Variants in HELZ observed in about 807,000 individuals in gnomAD.
The protein encoded by HELZ is helicase with zinc finger, also known as ATP-dependent RNA helicase with zinc finger domain.
Under a neutral mutation model 218.2 loss-of-function variants are expected in HELZ, and 23 were observed. The ratio of observed to expected loss-of-function variants is 0.11; its 90% CI spans 0.08 to 0.15. HELZ has a LOEUF of 0.15. Among genes scored for constraint, HELZ ranks in the 10% least tolerant of loss-of-function variants. HELZ has a pLI of 1.00. For synonymous variants in HELZ, 814 were observed against 829.4 expected (o/e 0.98, Z 0.32); for missense variants, 1,813 against 2,353.7 (o/e 0.77, Z 4.75).
rs2036029160 is a variant in HELZ, at chr17:67,076,800, G to T, written c.*1452C>A. The T allele has an allele frequency of 6.6e-6, 1 of 152,154 alleles. No homozygotes were observed. The highest frequency in any genetic ancestry group is 2.4e-5 in the African/African-American group (1 of 41,418). 9.4% of individuals were successfully genotyped at this position (152,154 alleles called of 1,614,324 possible). On this transcript the variant is annotated 3_prime_UTR_variant, in exon 33 of 33. Coordinates refer to ENST00000358691, the MANE Select transcript of HELZ (RefSeq NM_014877.4). ...AGTGGTCTTCCAAAAACCTGTTTTT[G>T]AATGGATCATCAGGAAGATTGGGTT...
chr17:67,127,342 T>C (rs7223693), intron 24 of HELZ, among the ~76,000 whole-genome samples: 1 of 151,994 alleles, frequency 6.6e-6, no homozygotes, highest in Non-Finnish European at 1.5e-5. Context: ...ATTAATAGTA[T>C]AAGCTTGAGA....
chr17:67,103,848 T>C (rs960941046), intron 31 of HELZ, among the ~76,000 whole-genome samples: 4 of 152,116 alleles, frequency 2.6e-5, no homozygotes, highest in Admixed American at 6.5e-5. Flanking sequence ...CAAAACTTAC[T>C]ACAATACTAC....
At chr17:67,242,131 T>C (rs2041328565) in intron 2 of HELZ, among the ~76,000 whole-genome samples, 1 of 152,168 alleles carries the variant, frequency 6.6e-6, no homozygotes, top group Admixed American at 6.6e-5. Flanking sequence ...AGAAAAAAGA[T>C]AAGGCCAGGC....
chr17:67,187,506 T>C (rs1467889049), intron 12 of HELZ, among the ~76,000 whole-genome samples: 2 of 152,226 alleles, frequency 1.3e-5, no homozygotes, highest in African/African-American at 4.8e-5. Flanking sequence ...AATGGGACAT[T>C]ATGGTACATA....
In HELZ at chr17:67,156,805, G is replaced by GA. The variant is rs888184519; in HGVS notation, c.2177+3455dup. ...CCAATTAATATTTCATTGTAAAATTGAAAAAAAAAAAGTGGTTTTTCAAAT... is the reference window on the plus strand; with the variant it reads ...CCAATTAATATTTCATTGTAAAATTGAAAAAAAAAAAAGTGGTTTTTCAAAT... On this transcript the variant is annotated intron_variant, in intron 17 of 32. Transcript: ENST00000358691. Among the ~76,000 whole-genome samples the GA allele has an allele frequency of 1.7e-3, 245 of 142,848 alleles. 2 individuals are homozygous for GA. Among genetic ancestry groups the GA allele is most frequent in the Admixed American group, 2.5e-3 (36 of 14,360 alleles). The allele number at this position is 142,848 out of a possible 152,430, so 93.7% of individuals were successfully genotyped here.
intron 3 of HELZ, among the ~76,000 whole-genome samples, chr17:67,235,739 A>G (rs1030628119): frequency 2.6e-4 from 36 of 139,244 alleles, no homozygotes; most frequent in African/African-American, 9.5e-4. Context: ...TACCATTTTG[A>G]CCACACACTC....
chr17:67,082,854 T>C (rs973201854), intron 32 of HELZ, among the ~76,000 whole-genome samples: 1 of 149,996 alleles, frequency 6.7e-6, no homozygotes, highest in Non-Finnish European at 1.5e-5. Context: ...ACTGTTTTTT[T>C]TTTTTGTTTT....
intron 26 of HELZ, among the ~76,000 whole-genome samples, chr17:67,122,312 A>G (rs1188180829): frequency 3.3e-5 from 5 of 152,098 alleles, no homozygotes; most frequent in Admixed American, 2.0e-4. Flanking sequence ...TTGGGAGGCC[A>G]AGACAGGCGG....
At chr17:67,234,059 A>C (rs185118461) in intron 3 of HELZ, among the ~76,000 whole-genome samples, 1 of 148,566 alleles carries the variant, frequency 6.7e-6, no homozygotes, top group Non-Finnish European at 1.5e-5. Context: ...AAAAAAAAAA[A>C]AGAGAGAGAG....
At chr17:67,231,594 A>G (rs574334400) in intron 3 of HELZ, among the ~76,000 whole-genome samples, 1,554 of 147,452 alleles carry the variant, frequency 0.011, 17 homozygotes, top group South Asian at 0.018. Flanking sequence ...CTCTGTCGGA[A>G]AAAAAAAAAA....
At chr17:67,096,388 C>T (rs2036749628) in intron 31 of HELZ, among the ~76,000 whole-genome samples, 2 of 152,194 alleles carry the variant, frequency 1.3e-5, no homozygotes, top group Admixed American at 1.3e-4. Context: ...TTCCTCGAAG[C>T]TTTGAAGCCA....
Position 67,073,244 on chromosome 17 carries a change from G to A in HELZ, c.*5008C>T, listed in dbSNP as rs559648891. The stretch of plus-strand genomic sequence containing the variant: ...ATATCGATTTCCCCTCCTCTACATA[G>A]TTCTAAGGCAGGCAATCACATGCTA... On this transcript the variant is annotated 3_prime_UTR_variant, in exon 33 of 33. Coordinates refer to ENST00000358691, the MANE Select transcript of HELZ (RefSeq NM_014877.4). 8 of 152,444 alleles carry A rather than the reference G, an allele frequency of 5.2e-5. No homozygotes were observed. The highest frequency in any genetic ancestry group is 1.0e-4 in the Non-Finnish European group (7 of 68,036). 9.4% of individuals were successfully genotyped at this position (152,444 alleles called of 1,614,324 possible).
intron 9 of HELZ, among the ~76,000 whole-genome samples, chr17:67,190,558 T>A (rs1164648349): frequency 6.6e-6 from 1 of 152,198 alleles, no homozygotes; most frequent in Non-Finnish European, 1.5e-5. Flanking sequence ...CAGCTCCCCA[T>A]ATTATTCACT....
chr17:67,199,305 T>A (rs907775920), intron 7 of HELZ, among the ~76,000 whole-genome samples: 1 of 149,608 alleles, frequency 6.7e-6, no homozygotes, highest in Non-Finnish European at 1.5e-5. Context: ...TTCCGCCTCC[T>A]GGGTTCAAGC....
intron 24 of HELZ, among the ~76,000 whole-genome samples, chr17:67,125,262 C>T (rs1237513645): frequency 5.2e-5 from 6 of 114,876 alleles, no homozygotes; most frequent in Non-Finnish European, 5.2e-5. Flanking sequence ...CAAGAGAAAG[C>T]ATGTTCACAG....
intron 13 of HELZ, among the ~76,000 whole-genome samples, chr17:67,177,865 T>C (rs1204353699): frequency 6.6e-6 from 1 of 152,280 alleles, no homozygotes; most frequent in East Asian, 1.9e-4. Context: ...TTAATGAGTG[T>C]TCAGTATTTA....
At chr17:67,193,588 T>C (rs1331201111) in intron 9 of HELZ, among the ~76,000 whole-genome samples, 2 of 151,806 alleles carry the variant, frequency 1.3e-5, no homozygotes, top group African/African-American at 4.8e-5. Context: ...TGGTGGCACA[T>C]GCCTGTAATC....
chr17:67,107,661 C>T lies in HELZ; in HGVS notation c.4749G>A (p.Leu1583=), dbSNP rs765370144. 6.2e-7 allele frequency: 1 copy of T among 1,613,560 alleles called. No homozygotes were observed. Among genetic ancestry groups the T allele is most frequent in the Non-Finnish European group, 8.5e-7 (1 of 1,179,844 alleles). The change falls in exon 31 of 33, where the codon CTG becomes CTA. Residue 1583 remains leucine (L), a synonymous_variant. Coordinates refer to ENST00000358691, the MANE Select transcript of HELZ (RefSeq NM_014877.4). ...YSRFQDLIRE[L]SHRDQSETRE... ...GTGTTTCACTTTGATCACGATGAGA[C>T]AGTTCTCTGATTAAGTCTTGAAACC...
At position 67,109,169 on chromosome 17, in the gene HELZ, A is replaced by G. The variant is rs1047833013; in HGVS notation, c.4436T>C (p.Leu1479Pro). The G allele has an allele frequency of 6.2e-7, 1 of 1,613,882 alleles. No homozygotes were observed. Among genetic ancestry groups the G allele is most frequent in the African/African-American group, 1.3e-5 (1 of 74,898 alleles). ...GGGGTTCTCATCAATGAAGCTATTC[A>G]GATGTGAAGGAAGAATGGGGCCGGG... is the stretch of plus-strand genomic sequence containing the variant. Reference protein sequence around the residue: ...AQPGPILPSHLNSFIDENPSG... With the variant: ...AQPGPILPSHPNSFIDENPSG... The change falls in exon 29 of 33, where the codon CTG becomes CCG. Residue 1479 changes from leucine (L) to proline (P), a missense_variant. By Grantham distance (98) the Leu-to-Pro change is moderately conservative (BLOSUM62 -3). This residue lies in a region of HELZ where 938 missense variants were observed against 1,027.5 expected (regional missense o/e 0.91). Coordinates refer to ENST00000358691, the MANE Select transcript of HELZ (RefSeq NM_014877.4).
Sources: allele counts gnomAD v4.1 joint callset (sites outside exome capture counted in the v4.1 genomes callset), GRCh38; gene constraint gnomAD v4.1.1; regional missense constraint gnomAD v4.1.1; transcripts MANE v1.5; gene names NCBI Gene and HGNC (gene_info 2026-07-23, HGNC 2026-07-21).